The following PSG9 variants were observed in gnomAD, a reference collection of about 807,000 sequenced individuals.
The protein encoded by PSG9 is pregnancy specific beta-1-glycoprotein 9.
Under a neutral mutation model 41.9 loss-of-function variants are expected in PSG9, and 49 were observed. That is an observed-to-expected ratio of 1.17 (90% CI 0.93 to 1.48). The LOEUF (loss-of-function observed/expected upper bound fraction) is 1.48, where lower values mean the gene tolerates loss of function less well. PSG9 is among the 40% of genes most tolerant of loss of function. PSG9 has a pLI of 0.00. For missense variants in PSG9, 641 were observed against 520.3 expected (o/e 1.23, Z -2.26); for synonymous variants, 263 against 196.8 (o/e 1.34, Z -2.82).
Position 43,258,936 on chromosome 19 carries a change from A to T in PSG9, c.909T>A (p.Asn303Lys). 6.3e-7 allele frequency: 1 copy of T among 1,589,678 alleles called. No homozygotes were observed. The highest frequency in any genetic ancestry group is 8.5e-7 in the Non-Finnish European group (1 of 1,174,122). ...RILILPSVTR[N>K]ETGPYQCEIR... ...TTTCACATTGATAGGGTCCTGTTTC[A>T]TTTCTCGTGACACTGGGTAGAATGA... Residue 303 changes from asparagine to lysine, a missense_variant, in exon 4 of 6, where the codon AAT becomes AAA. Transcript: ENST00000270077.
chr19:43,254,848 G>A, intron 5 of PSG9, among the ~76,000 whole-genome samples: 1 of 145,710 alleles, frequency 6.9e-6, no homozygotes, highest in East Asian at 2.4e-4. Context: ...TAGCACTTTG[G>A]GAGGTCACAG....
At position 43,258,284 on chromosome 19, in the gene PSG9, A is replaced by G. The variant is rs767778006; in HGVS notation, c.1161T>C (p.Asn387=). Reference sequence around the variant, plus strand: ...CAGAGCAAGCATAGAGCCCGCTATGATTTCTAGTAATTTGGGGGATAAAGA... The same window carrying G: ...CAGAGCAAGCATAGAGCCCGCTATGGTTTCTAGTAATTTGGGGGATAAAGA... ...QKLFIPQITR[N]HSGLYACSVH... is the part of the protein sequence containing the mutation. The change falls in exon 5 of 6, where the codon AAT becomes AAC. Residue 387 remains asparagine, a synonymous_variant. Transcript: ENST00000270077. 6.3e-7 allele frequency: 1 copy of G among 1,592,642 alleles called. No homozygotes were observed. Among genetic ancestry groups the G allele is most frequent in the South Asian group, 1.1e-5 (1 of 89,952 alleles).
In PSG9 at chr19:43,259,026, C is replaced by A. The variant is rs1324133644; in HGVS notation, c.819G>T (p.Trp273Cys). ...CGGGGAGGCTCTGACCGTTTAGCCA[C>A]CAAATGTAGGTGTAGTTCTCACTCT... is the stretch of plus-strand genomic sequence containing the variant. ...EPKSENYTYI[W>C]WLNGQSLPVS... Residue 273 changes from tryptophan to cysteine, a missense_variant, in exon 4 of 6, where the codon TGG becomes TGT. Physicochemically the swap from Trp to Cys is radical, Grantham distance 215. Transcript: ENST00000270077. 6.3e-7 allele frequency: 1 copy of A among 1,590,622 alleles called. No individual in the cohort carries two copies.
At position 43,257,845 on chromosome 19, in the gene PSG9, C is replaced by T. The variant is rs1180128841; in HGVS notation, c.1243+357G>A. On this transcript the variant is annotated intron_variant, in intron 5 of 5. Coordinates refer to ENST00000270077, the MANE Select transcript of PSG9 (RefSeq NM_002784.5). Reference sequence around the variant, plus strand: ...TCCCTTGTAGCTCATGGAATAGGTACAAGAAAAAAAAGACGTGGCAGAAGG... The same window carrying T: ...TCCCTTGTAGCTCATGGAATAGGTATAAGAAAAAAAAGACGTGGCAGAAGG... The T allele has an allele frequency of 3.7e-5, 51 of 1,374,424 alleles. 3 individuals are homozygous for T. Among genetic ancestry groups the T allele is most frequent in the Non-Finnish European group, 4.7e-5 (50 of 1,071,430 alleles). The allele number at this position is 1,374,424 out of a possible 1,614,324, so 85.1% of individuals were successfully genotyped here.
intron 2 of PSG9, among the ~76,000 whole-genome samples, chr19:43,266,664 C>A (rs1968983290): frequency 6.6e-6 from 1 of 151,954 alleles, no homozygotes; most frequent in Non-Finnish European, 1.5e-5. Context: ...ATCAGCTGAC[C>A]ATTTGCTCTC....
intron 5 of PSG9, 153 bp downstream of exon 5, chr19:43,258,049 G>A (rs747054963): frequency 6.3e-7 from 1 of 1,580,686 alleles, no homozygotes. Flanking sequence ...AGAGTCTGTA[G>A]AGACAAATTG....
rs562226971 is a variant in PSG9 at position 43,255,709 on chromosome 19, C to A, written c.1244-2063G>T. On this transcript the variant is annotated intron_variant, in intron 5 of 5. Transcript: ENST00000270077. ...CATCTGTTGTATTTCAATACACTAA[C>A]CATGAACAATCTGAAGGGAAATTAA... Among the ~76,000 whole-genome samples, 75 of 146,280 alleles carry A rather than the reference C, an allele frequency of 5.1e-4. 9 individuals are homozygous for A. Among genetic ancestry groups the A allele is most frequent in the Admixed American group, 1.2e-3 (17 of 14,714 alleles).
At chr19:43,264,859 GC>G in intron 2 of PSG9, among the ~76,000 whole-genome samples, 1 of 152,272 alleles carries the variant, frequency 6.6e-6, no homozygotes, top group African/African-American at 2.4e-5. Context: ...CTGACAGGAA[GC>G]CAGAAGTCTC....
intron 1 of PSG9, among the ~76,000 whole-genome samples, chr19:43,268,746 T>C (rs1452786740): frequency 2.0e-5 from 3 of 152,174 alleles, no homozygotes; most frequent in Admixed American, 2.0e-4. Context: ...GGGTGTTTTT[T>C]TTTCCCCCAA....
rs1036014018 is a variant in PSG9 at position 43,258,779 on chromosome 19, A to G, written c.988+78T>C. 2 of 1,550,488 alleles carry G rather than the reference A, an allele frequency of 1.3e-6. 1 individual carries two copies. On this transcript the variant is annotated intron_variant, in intron 4 of 5. Transcript: ENST00000270077. The stretch of plus-strand genomic sequence containing the variant: ...AAAGGTGTCTATACTTGGACCGGAG[A>G]GAGACTGAGAGGCCTGGCATCTGGT...
rs1454377680 is a variant in PSG9, at chr19:43,262,124, G to A, written c.445C>T (p.Pro149Ser). 1 of 1,613,524 alleles carries A rather than the reference G, an allele frequency of 6.2e-7. No homozygotes were observed. Among genetic ancestry groups the A allele is most frequent in the African/African-American group, 1.3e-5 (1 of 74,868 alleles). The change falls in exon 3 of 6, where the codon CCC becomes TCC. Residue 149 changes from proline (P) to serine (S), a missense_variant. Transcript: ENST00000270077. ...TTTAAGTTGCTGCTGGAGATGTAGG[G>A]CTTGGGAGTCTCCACTGTGCAGAAA... ...TFTLYLETPK[P>S]YISSSNLNPR...
chr19:43,268,436 G>A lies in PSG9; in HGVS notation c.65-287C>T, dbSNP rs193277714. Among the ~76,000 whole-genome samples, 9 of 151,970 alleles carry A rather than the reference G, an allele frequency of 5.9e-5. No individual in the cohort carries two copies. In the East Asian group the frequency reaches 1.2e-3, roughly 20 times the overall value. On this transcript the variant is annotated intron_variant, in intron 1 of 5. Transcript: ENST00000270077. ...AATCCTCTTCCCCAGGGGTCCACACGGCCCCCTCCACACTGCCCTCAGGTC... is the reference window on the plus strand; with the variant it reads ...AATCCTCTTCCCCAGGGGTCCACACAGCCCCCTCCACACTGCCCTCAGGTC...
rs1969070141 is a variant in PSG9 at position 43,268,147 on chromosome 19, A to T, written c.67T>A (p.Ser23Thr). 1.3e-6 allele frequency: 2 copies of T among 1,599,882 alleles called. No individual in the cohort carries two copies. Among genetic ancestry groups the T allele is most frequent in the African/African-American group, 2.7e-5 (2 of 74,220 alleles). The change falls in exon 2 of 6, where the codon TCA becomes ACA. Residue 23 changes from serine to threonine, a missense_variant and splice_region_variant. By Grantham distance (58) the Ser-to-Thr change is moderately conservative. Coordinates refer to ENST00000270077, the MANE Select transcript of PSG9 (RefSeq NM_002784.5). ...GGCGGGTTCCAGAAGTTTAAAAGTG[A>T]TGCTAGGAGGGGGAGACAGCATCAG... ...ITWKGLLLTA[S>T]LLNFWNPPTT...
At position 43,259,142 on chromosome 19, in the gene PSG9, G is replaced by C. The variant is rs1968591132; in HGVS notation, c.710-7C>G. ...TAGGGGATGGGCAGCTTCGCTGTGT[G>C]GATAACAGAGAGAAGATTGTCCTGT... is the stretch of plus-strand genomic sequence containing the variant. On this transcript the variant is annotated splice_region_variant and splice_polypyrimidine_tract_variant and intron_variant, in intron 3 of 5. Transcript: ENST00000270077. 2.5e-6 allele frequency: 4 copies of C among 1,589,174 alleles called. 1 individual carries two copies. The highest frequency in any genetic ancestry group is 2.8e-5 in the African/African-American group (2 of 70,542).
intron 3 of PSG9, 107 bp downstream of exon 3, chr19:43,261,753 G>T: frequency 6.2e-7 from 1 of 1,612,100 alleles, no homozygotes; most frequent in Non-Finnish European, 8.5e-7. Flanking sequence ...TGATGTCTAG[G>T]GGTAAAGGTC....
At chr19:43,263,451 A>T (rs1053205189) in intron 2 of PSG9, among the ~76,000 whole-genome samples, 1 of 152,118 alleles carries the variant, frequency 6.6e-6, no homozygotes. Flanking sequence ...TTAGCATCAC[A>T]TCAGTGGTCA....
In PSG9 at chr19:43,257,716, C is replaced by T. The variant is rs1399976598; in HGVS notation, c.1243+486G>A. ...GGCAGGGCCAGTCACCAGAGGAGCC[C>T]GGAGCAGAGCAGGAAGCAGAGTCTG... On this transcript the variant is annotated intron_variant, in intron 5 of 5. Transcript: ENST00000270077. 204 of 1,148,366 alleles carry T rather than the reference C, an allele frequency of 1.8e-4. 11 individuals are homozygous for T. Among genetic ancestry groups the T allele is most frequent in the Non-Finnish European group, 2.1e-4 (195 of 943,182 alleles). 71.1% of individuals were successfully genotyped at this position (1,148,366 alleles called of 1,614,324 possible).
In PSG9 at chr19:43,253,370, C is replaced by T; in HGVS notation, c.*239G>A. ...AATTCTGGGGCATTCAGATAGACAG[C>T]AAAAGCAAATATTTCAATTTTTGTT... On this transcript the variant is annotated 3_prime_UTR_variant, in exon 6 of 6. Transcript: ENST00000270077. 2.8e-6 allele frequency: 1 copy of T among 363,328 alleles called. No homozygotes were observed. Among genetic ancestry groups the T allele is most frequent in the Admixed American group, 4.7e-5 (1 of 21,396 alleles). The allele number at this position is 363,328 out of a possible 1,614,324, so 22.5% of individuals were successfully genotyped here.
chr19:43,258,747 T>C lies in PSG9; in HGVS notation c.988+110A>G, dbSNP rs370834344. 425 of 1,494,706 alleles carry C rather than the reference T, an allele frequency of 2.8e-4. 24 individuals are homozygous for C. The highest frequency in any genetic ancestry group is 2.0e-3 in the Middle Eastern group (8 of 4,016). 92.6% of individuals were successfully genotyped at this position (1,494,706 alleles called of 1,614,324 possible). A position where few individuals can be genotyped will look rare whatever the true frequency, so the allele number is the denominator to read the frequency against. The stretch of plus-strand genomic sequence containing the variant: ...GGGAGTCATGGCCACCTCGGATGTC[T>C]AGAAGTAAAGGTGTCTATACTTGGA... On this transcript the variant is annotated intron_variant, in intron 4 of 5. Coordinates refer to ENST00000270077, the MANE Select transcript of PSG9 (RefSeq NM_002784.5).
Sources: allele counts gnomAD v4.1 joint callset (sites outside exome capture counted in the v4.1 genomes callset), GRCh38; gene constraint gnomAD v4.1.1; transcripts MANE v1.5; gene names NCBI Gene and HGNC (gene_info 2026-07-23, HGNC 2026-07-21).